OVCH1: variants seen among roughly 807,000 people sequenced by gnomAD.
OVCH1 encodes the protein ovochymase-1.
A neutral mutation model predicts 138.4 loss-of-function variants in OVCH1; 139 were observed. The observed-to-expected ratio is 1.00, with a 90% CI of 0.87 to 1.16. OVCH1 has a LOEUF of 1.16. Ranked by LOEUF, OVCH1 falls within the 50% of genes most tolerant of loss-of-function variation. The pLI, the probability that OVCH1 is intolerant of heterozygous loss-of-function variation, is 0.00. For synonymous variants in OVCH1, 453 were observed against 467.8 expected, an observed-to-expected ratio of 0.97 and a Z score of 0.41; for missense variants, 1,367 against 1,357.9, an observed-to-expected ratio of 1.01 and a Z score of -0.11.
downstream of OVCH1, among the ~76,000 whole-genome samples, chr12:29,425,081 T>C (rs1266944855): frequency 1.3e-5 from 2 of 152,144 alleles, no homozygotes; most frequent in Admixed American, 1.3e-4. Flanking sequence ...AATGAAGCAC[T>C]TAATAAAGTG....
chr12:29,408,960 C>T (rs11494788), downstream of OVCH1, among the ~76,000 whole-genome samples: 39,217 of 151,888 alleles, frequency 0.26, 5,397 homozygotes, highest in Admixed American at 0.41. Flanking sequence ...GGTTGGTAAG[C>T]TATTGATTAT....
rs1257864952 is a variant in OVCH1, at chr12:29,480,111, C to T, written c.996-1203G>A. Among the ~76,000 whole-genome samples, 3 of 152,118 alleles carry T rather than the reference C, an allele frequency of 2.0e-5. No homozygotes were observed. In the East Asian group the frequency reaches 5.8e-4, roughly 29 times the overall value. On this transcript the variant is annotated intron_variant, in intron 8 of 27. Transcript: ENST00000318184. Reference sequence around the variant, plus strand: ...TGCTGGGATTACAGGTGTGAGCCACCATGCCCAGCCGGAAACTCTTTAGTG... The same window carrying T: ...TGCTGGGATTACAGGTGTGAGCCACTATGCCCAGCCGGAAACTCTTTAGTG...
At chr12:29,439,570 C>A (rs1373101542) in intron 25 of OVCH1, 2 of 1,130,010 alleles carry the variant, frequency 1.8e-6, no homozygotes, top group South Asian at 2.2e-5. Context: ...CGGTACTTTA[C>A]CTCTCACACC....
Position 29,471,950 on chromosome 12 carries a change from A to AC in OVCH1, c.1707dup (p.Trp570ValfsTer53). The AC allele has an allele frequency of 6.2e-7, 1 of 1,613,144 alleles. No homozygotes were observed. Among genetic ancestry groups the AC allele is most frequent in the African/African-American group, 1.3e-5 (1 of 75,024 alleles). ...CCTCCTGCGATTCTTCTGGAAAGCC[A>AC]CTGGGGACTAAATGGAGGGATGCCA... On this transcript the variant is annotated frameshift_variant, in exon 16 of 28. Coordinates refer to ENST00000318184, the Ensembl canonical transcript of OVCH1. LOFTEE classifies it high-confidence loss of function.
At chr12:29,460,437 G>A (rs1942092213) in intron 19 of OVCH1, among the ~76,000 whole-genome samples, 1 of 152,144 alleles carries the variant, frequency 6.6e-6, no homozygotes, top group African/African-American at 2.4e-5. Flanking sequence ...GCAGACAGCA[G>A]GAGTGCACTT....
chr12:29,426,796 A>G (rs1288629348), downstream of OVCH1, among the ~76,000 whole-genome samples: 3 of 152,224 alleles, frequency 2.0e-5, no homozygotes, highest in African/African-American at 4.8e-5. Context: ...TGTCTAAAAC[A>G]GTGCAATAGA....
At chr12:29,438,466 GAA>G (rs11346143) in intron 26 of OVCH1, among the ~76,000 whole-genome samples, 7 of 151,070 alleles carry the variant, frequency 4.6e-5, no homozygotes, top group Admixed American at 6.6e-5. Flanking sequence ...CATCCCTCCA[GAA>G]AAAAAAAAAT....
chr12:29,409,914 A>T (rs7487856), downstream of OVCH1, among the ~76,000 whole-genome samples: 1 of 151,906 alleles, frequency 6.6e-6, no homozygotes, highest in Non-Finnish European at 1.5e-5. Flanking sequence ...GGGGTGTTAA[A>T]GTCTCCCATT....
chr12:29,492,826 A>G (rs575455179), intron 4 of OVCH1, among the ~76,000 whole-genome samples: 56 of 152,300 alleles, frequency 3.7e-4, no homozygotes, highest in Admixed American at 3.1e-3. Flanking sequence ...GTCAAGGAGA[A>G]GAGGAAGAAT....
intron 23 of OVCH1, among the ~76,000 whole-genome samples, chr12:29,445,071 A>G (rs1028510771): frequency 1.8e-4 from 27 of 152,112 alleles, no homozygotes; most frequent in African/African-American, 6.5e-4. Context: ...ATCATATACA[A>G]TTCAATCAAG....
chr12:29,454,814 T>C, intron 21 of OVCH1, 27 bp downstream of exon 21: 1 of 1,566,064 alleles, frequency 6.4e-7, no homozygotes, highest in Non-Finnish European at 8.8e-7. Flanking sequence ...CTGAAAGTAT[T>C]AATGGGATAA....
intron 21 of OVCH1, among the ~76,000 whole-genome samples, chr12:29,452,096 C>T (rs1049454344): frequency 6.6e-6 from 1 of 152,184 alleles, no homozygotes; most frequent in Non-Finnish European, 1.5e-5. Context: ...TTTTCCATGG[C>T]CCGCTGACTC....
At chr12:29,413,669 T>TACACAC (rs3064302) in intron 3 of OVCH1, among the ~76,000 whole-genome samples, 46 of 150,924 alleles carry the variant, frequency 3.0e-4, no homozygotes, top group South Asian at 2.3e-3. Flanking sequence ...ATTACACACA[T>TACACAC]ACACACACAC....
At chr12:29,424,450 G>A (rs532031949), downstream of OVCH1, among the ~76,000 whole-genome samples, 153 of 152,156 alleles carry the variant, frequency 1.0e-3, no homozygotes, top group Non-Finnish European at 1.2e-3. Flanking sequence ...CAGATTTTGG[G>A]GGGCCTGTTC....
At chr12:29,475,267 T>A in intron 13 of OVCH1, 78 bp from the exon 14 acceptor site, 1 of 1,187,872 alleles carries the variant, frequency 8.4e-7, no homozygotes, top group Non-Finnish European at 1.1e-6. Flanking sequence ...AATCACCCAA[T>A]TTTCTAATCA....
intron 25 of OVCH1, 143 bp downstream of exon 25, chr12:29,443,218 G>A (rs1292282535): frequency 3.0e-5 from 24 of 808,846 alleles, no homozygotes; most frequent in Non-Finnish European, 3.9e-5. Flanking sequence ...TCTGACACAA[G>A]TTTAACAGTA....
intron 26 of OVCH1, among the ~76,000 whole-genome samples, chr12:29,435,242 G>A (rs1156525405): frequency 2.0e-5 from 3 of 152,006 alleles, no homozygotes. Context: ...TGTAGTCCCA[G>A]CTACTGGGGA....
chr12:29,480,667 A>G (rs1235805945), intron 8 of OVCH1, among the ~76,000 whole-genome samples: 2 of 152,168 alleles, frequency 1.3e-5, no homozygotes, highest in Admixed American at 1.3e-4. Flanking sequence ...CATGGATATG[A>G]AAGGAAGGAG....
rs560835255 is a variant in OVCH1 at position 29,455,043 on chromosome 12, A to T, written c.2438-110T>A. On this transcript the variant is annotated intron_variant, in intron 20 of 27. Coordinates refer to ENST00000318184, the Ensembl canonical transcript of OVCH1. ...GAAACAAAAAAGAAACAAATCCAGG[A>T]TTAAAGCAGCCTAAGGAAAAGTCAG... The T allele has an allele frequency of 5.9e-6, 7 of 1,185,138 alleles. No individual in the cohort carries two copies. In the African/African-American group the frequency reaches 1.1e-4, roughly 18 times the overall value. 73.4% of individuals were successfully genotyped at this position (1,185,138 alleles called of 1,614,324 possible). A position where few individuals can be genotyped will look rare whatever the true frequency, so the allele number is the denominator to read the frequency against.
Sources: gnomAD v4.1 joint callset for allele counts (sites outside exome capture counted in the v4.1 genomes callset) on GRCh38, gnomAD v4.1.1 for gene constraint, MANE v1.5 for transcripts, NCBI Gene and HGNC (gene_info 2026-07-23, HGNC 2026-07-21) for gene names.